PSD: variants seen among roughly 807,000 people sequenced by gnomAD.
PSD encodes the protein PH and SEC7 domain-containing protein 1.
In PSD, 32 loss-of-function variants were observed where a neutral mutation model predicts 91.6. The ratio of observed to expected loss-of-function variants is 0.35; its 90% CI spans 0.26 to 0.47. The LOEUF is 0.47. PSD is among the 20% of genes least tolerant of loss of function. The probability of loss-of-function intolerance (pLI) is 1.00; values close to 1 mark genes in which losing one functional copy is unlikely to be tolerated. For missense variants in PSD, 1,099 were observed against 1,373.9 expected (o/e 0.80, Z 3.16); for synonymous variants, 532 against 569.3 (o/e 0.93, Z 0.93).
chr10:102,417,663 C>T (rs1437276405), intron 1 of PSD, among the ~76,000 whole-genome samples: 1 of 151,430 alleles, frequency 6.6e-6, no homozygotes, highest in Non-Finnish European at 1.5e-5. Context: ...AGCAGAGGCT[C>T]CTACCCCCAA....
At chr10:102,419,128 C>G (rs886106713), upstream of PSD, 3 of 250,062 alleles carry the variant, frequency 1.2e-5, no homozygotes, top group African/African-American at 6.8e-5. This position sits in a 1 kb window ranked among gnomAD's most constrained non-coding sequence, Gnocchi z 4.8. Flanking sequence ...AGGAGGCTGC[C>G]ACATGACCTG....
rs2061371582 is a variant in PSD at position 102,407,164 on chromosome 10, C to A, written c.2135+59G>T. On this transcript the variant is annotated intron_variant, in intron 11 of 16. Coordinates refer to ENST00000020673, the MANE Select transcript of PSD (RefSeq NM_002779.5). ...GGCCTACCCCAGCTCTCTCAGCCTC[C>A]CCAGGCAGCCCCTTCCCCATGCCCC... 9 of 1,523,962 alleles carry A rather than the reference C, an allele frequency of 5.9e-6. No individual in the cohort carries two copies. In the South Asian group the frequency reaches 8.4e-5, roughly 14 times the overall value. 94.4% of individuals were successfully genotyped at this position (1,523,962 alleles called of 1,614,324 possible).
Position 102,404,637 on chromosome 10 carries a change from G to A in PSD, c.2646C>T (p.Ser882=). Reference sequence around the variant, plus strand: ...GGAGAGGGCGGCTGAACTTCTTTTGGGAGCTAACAGCAGCTGGGAAGGGGG... The same window carrying A: ...GGAGAGGGCGGCTGAACTTCTTTTGAGAGCTAACAGCAGCTGGGAAGGGGG... ...SAPPFPAAVS[S]QKKFSRPLLP... Residue 882 remains serine (S), a synonymous_variant, in exon 15 of 17, where the codon TCC becomes TCT. Coordinates refer to ENST00000020673, the MANE Select transcript of PSD (RefSeq NM_002779.5). The surrounding 1 kb of genome is among the most constrained non-coding windows in gnomAD (Gnocchi z 5.7). 6.2e-7 allele frequency: 1 copy of A among 1,612,308 alleles called. No individual in the cohort carries two copies. The highest frequency in any genetic ancestry group is 1.1e-5 in the South Asian group (1 of 90,830).
chr10:102,404,947 C>T lies in PSD; in HGVS notation c.2506G>A (p.Val836Ile), dbSNP rs1332413484. The T allele has an allele frequency of 2.5e-6, 4 of 1,614,070 alleles. No individual in the cohort carries two copies. Among genetic ancestry groups the T allele is most frequent in the East Asian group, 2.2e-5 (1 of 44,882 alleles). The change falls in exon 14 of 17, where the codon GTC (valine) becomes ATC (isoleucine). Residue 836 changes from valine (V) to isoleucine (I), a missense_variant. This residue lies in a region of PSD where 358 missense variants were observed against 426.5 expected (regional missense o/e 0.84). Coordinates refer to ENST00000020673, the MANE Select transcript of PSD (RefSeq NM_002779.5). This position sits in a 1 kb window ranked among gnomAD's most constrained non-coding sequence, Gnocchi z 5.7. Reference protein sequence around the residue: ...RASDYSKRPHVFYLRTADWRV... With the variant: ...RASDYSKRPHIFYLRTADWRV... ...CAGTCAGCTGTGCGCAGGTAGAAGA[C>T]GTGGGGCCTCTTGCTGTAGTCACTG...
At position 102,417,019 on chromosome 10, in the gene PSD, C is replaced by T. The variant is rs779454583; in HGVS notation, c.20G>A (p.Arg7His). The part of the protein sequence containing the change: MAQGAM[R>H]FCSEGDCAIS... Reference sequence around the variant, plus strand: ...GGCACAGTCGCCTTCCGAGCAGAAGCGCATGGCACCCTGGGCCATGCTGGG... The same window carrying T: ...GGCACAGTCGCCTTCCGAGCAGAAGTGCATGGCACCCTGGGCCATGCTGGG... The change falls in exon 2 of 17, where the codon CGC becomes CAC. Residue 7 changes from arginine (R) to histidine (H), a missense_variant. Physicochemically the swap from Arg to His is conservative, Grantham distance 29. Transcript: ENST00000020673. 1.1e-5 allele frequency: 17 copies of T among 1,574,884 alleles called. No individual in the cohort carries two copies. Among genetic ancestry groups the T allele is most frequent in the Middle Eastern group, 1.8e-4 (1 of 5,702 alleles).
Position 102,403,994 on chromosome 10 carries a change from C to G in PSD, c.2701-9G>C. ...GTCCGCACCTGCTCCTCCTAGCGGC[C>G]AGGGGGAGGCATGGTCATGGTCACT... On this transcript the variant is annotated splice_polypyrimidine_tract_variant and intron_variant, in intron 15 of 16. Transcript: ENST00000020673. This position sits in a 1 kb window ranked among gnomAD's most constrained non-coding sequence, Gnocchi z 6.7. 1 of 1,544,512 alleles carries G rather than the reference C, an allele frequency of 6.5e-7. No homozygotes were observed. The highest frequency in any genetic ancestry group is 8.7e-7 in the Non-Finnish European group (1 of 1,147,222).
chr10:102,412,245 A>G lies in PSD; in HGVS notation c.1749-18T>C. 6.2e-7 allele frequency: 1 copy of G among 1,613,998 alleles called. No individual in the cohort carries two copies. The highest frequency in any genetic ancestry group is 2.2e-5 in the East Asian group (1 of 44,878). ...AGTCATTGCTGTGGGCAGGGCAGAG[A>G]GACAGGTAGGGTCTCAAGGGGAAGT... On this transcript the variant is annotated intron_variant, in intron 6 of 16. Coordinates refer to ENST00000020673, the MANE Select transcript of PSD (RefSeq NM_002779.5).
rs934538022 is a variant in PSD at position 102,402,644 on chromosome 10, G to A, written c.*556C>T. The stretch of plus-strand genomic sequence containing the variant: ...GCAAGTCCAGAGCAGTTTTAATGGG[G>A]GTGGAGGCTGTACAAAGGGCAAGGC... On this transcript the variant is annotated 3_prime_UTR_variant, in exon 17 of 17. Coordinates refer to ENST00000020673, the MANE Select transcript of PSD (RefSeq NM_002779.5). The A allele has an allele frequency of 3.4e-5, 14 of 411,990 alleles. No homozygotes were observed. Among genetic ancestry groups the A allele is most frequent in the African/African-American group, 1.2e-4 (6 of 49,066 alleles). The allele number at this position is 411,990 out of a possible 1,614,324, so 25.5% of individuals were successfully genotyped here.
chr10:102,404,791 TG>T lies in PSD; in HGVS notation c.2556-65del. The T allele has an allele frequency of 6.4e-7, 1 of 1,559,486 alleles. No individual in the cohort carries two copies. Among genetic ancestry groups the T allele is most frequent in the Non-Finnish European group, 8.7e-7 (1 of 1,151,334 alleles). Reference sequence around the variant, plus strand: ...GGTTTCTGTCCCAGGATGCCAGTCCTGGCTCAAGTGTGGCCTGAGAAGGAAT... The same window carrying T: ...GGTTTCTGTCCCAGGATGCCAGTCCTGCTCAAGTGTGGCCTGAGAAGGAAT... On this transcript the variant is annotated intron_variant, in intron 14 of 16. Coordinates refer to ENST00000020673, the MANE Select transcript of PSD (RefSeq NM_002779.5). This position sits in a 1 kb window ranked among gnomAD's most constrained non-coding sequence, Gnocchi z 5.7.
At chr10:102,415,473 T>C (rs2061468859) in intron 3 of PSD, among the ~76,000 whole-genome samples, 2 of 152,180 alleles carry the variant, frequency 1.3e-5, no homozygotes, top group African/African-American at 4.8e-5. Context: ...CTTTTTTATT[T>C]ATTTATTTAT....
chr10:102,404,123 C>G lies in PSD; in HGVS notation c.2701-138G>C. 9.5e-7 allele frequency: 1 copy of G among 1,052,210 alleles called. No homozygotes were observed. Among genetic ancestry groups the G allele is most frequent in the African/African-American group, 1.6e-5 (1 of 62,232 alleles). 65.2% of individuals were successfully genotyped at this position (1,052,210 alleles called of 1,614,324 possible). A position where few individuals can be genotyped will look rare whatever the true frequency, so the allele number is the denominator to read the frequency against. ...CAGCACTTTGGGAGGCCAAGGCGGG[C>G]GGATCACGAGGTCAGGAGATCGAGA... On this transcript the variant is annotated intron_variant, in intron 15 of 16. Coordinates refer to ENST00000020673, the MANE Select transcript of PSD (RefSeq NM_002779.5). This position sits in a 1 kb window ranked among gnomAD's most constrained non-coding sequence, Gnocchi z 5.7.
chr10:102,415,380 TC>T (rs1449571383), intron 3 of PSD, 151 bp from the exon 4 acceptor site: 3 of 965,172 alleles, frequency 3.1e-6, no homozygotes, highest in African/African-American at 1.7e-5. Flanking sequence ...CTTAGCTTGT[TC>T]CTGGTGCCAG....
intron 5 of PSD, among the ~76,000 whole-genome samples, chr10:102,413,463 ACT>A (rs1372289432): frequency 1.3e-5 from 2 of 151,880 alleles, no homozygotes; most frequent in Non-Finnish European, 2.9e-5. Context: ...CAGGCTAAAG[ACT>A]CTGCCAAGGG....
At position 102,403,306 on chromosome 10, in the gene PSD, G is replaced by A. The variant is rs1302950559; in HGVS notation, c.2969C>T (p.Ser990Phe). 2.5e-6 allele frequency: 4 copies of A among 1,613,966 alleles called. No homozygotes were observed. The Admixed American group carries it at 5.0e-5, about 20-fold the overall frequency. Residue 990 changes from serine (S) to phenylalanine (F), a missense_variant, in exon 17 of 17, where the codon TCT becomes TTT. Around this residue, in one of 3 missense-constraint regions of PSD, gnomAD observed 358 missense variants for 426.5 expected, o/e 0.84. Transcript: ENST00000020673. This position sits in a 1 kb window ranked among gnomAD's most constrained non-coding sequence, Gnocchi z 6.7. ...AGSTEDGLPP[S>F]HSSPSLQPKP... is the part of the protein sequence containing the mutation. Reference sequence around the variant, plus strand: ...GGGCTGCAGGGAGGGACTGGAGTGAGAAGGAGGGAGTCCATCCTCTGTGCT... The same window carrying A: ...GGGCTGCAGGGAGGGACTGGAGTGAAAAGGAGGGAGTCCATCCTCTGTGCT...
Position 102,411,087 on chromosome 10 carries a change from T to C in PSD, c.1972A>G (p.Met658Val). The change falls in exon 9 of 17, where the codon ATG becomes GTG. Residue 658 changes from methionine to valine, a missense_variant. By Grantham distance (21) the Met-to-Val change is conservative. Coordinates refer to ENST00000020673, the MANE Select transcript of PSD (RefSeq NM_002779.5). Reference sequence around the variant, plus strand: ...CCGTGGAGATCCGTGTTGAGCAGCATGAGCGCACAGGTCAGCGTGTGGGCG... The same window carrying C: ...CCGTGGAGATCCGTGTTGAGCAGCACGAGCGCACAGGTCAGCGTGTGGGCG... ...DGAHTLTCAL[M>V]LLNTDLHGHN... 6.2e-7 allele frequency: 1 copy of C among 1,612,284 alleles called. No homozygotes were observed. The highest frequency in any genetic ancestry group is 2.2e-5 in the East Asian group (1 of 44,798).
chr10:102,412,102 G>A (rs745924576), intron 7 of PSD, 45 bp downstream of exon 7: 6 of 1,587,522 alleles, frequency 3.8e-6, no homozygotes, highest in South Asian at 2.2e-5. Context: ...GCCCTAACAC[G>A]AACCCCGGAG....
At position 102,405,745 on chromosome 10, in the gene PSD, C is replaced by G; in HGVS notation, c.2136-209G>C. The G allele has an allele frequency of 1.7e-6, 1 of 581,528 alleles. No homozygotes were observed. Among genetic ancestry groups the G allele is most frequent in the Non-Finnish European group, 3.1e-6 (1 of 326,630 alleles). 36.0% of individuals were successfully genotyped at this position (581,528 alleles called of 1,614,324 possible). A position where few individuals can be genotyped will look rare whatever the true frequency, so the allele number is the denominator to read the frequency against. On this transcript the variant is annotated intron_variant, in intron 11 of 16. Transcript: ENST00000020673. The surrounding 1 kb of genome is among the most constrained non-coding windows in gnomAD (Gnocchi z 5.4). ...AGCAGGGCACCTCCCTCAGAGCTCC[C>G]CAGCCTAGAGCCACCACTGTCCCTT...
Position 102,404,050 on chromosome 10 carries a change from A to T in PSD, c.2701-65T>A, listed in dbSNP as rs778982738. 1.6e-5 allele frequency: 24 copies of T among 1,465,482 alleles called. No homozygotes were observed. The highest frequency in any genetic ancestry group is 4.8e-5 in the Admixed American group (2 of 42,024). The allele number at this position is 1,465,482 out of a possible 1,614,324, so 90.8% of individuals were successfully genotyped here. On this transcript the variant is annotated intron_variant, in intron 15 of 16. Transcript: ENST00000020673. The surrounding 1 kb of genome is among the most constrained non-coding windows in gnomAD (Gnocchi z 5.7). ...CTATACAGTGCCTCTGCAGATTTTT[A>T]AAAAGATACCCCTTCCAGCCGGGCG...
Position 102,416,095 on chromosome 10 carries a change from C to G in PSD, c.679G>C (p.Glu227Gln). 6.2e-7 allele frequency: 1 copy of G among 1,613,792 alleles called. No homozygotes were observed. The highest frequency in any genetic ancestry group is 1.3e-5 in the African/African-American group (1 of 75,046). ...NQGDTWSSPR[E>Q]VSSHAQRIAR... ...ATTCTCTGGGCATGAGAGGAGACTT[C>G]CCGGGGGGAGGACCAGGTATCCCCC... The change falls in exon 3 of 17, where the codon GAA becomes CAA. Residue 227 changes from glutamate to glutamine, a missense_variant. Physicochemically the swap from Glu to Gln is conservative, Grantham distance 29 (BLOSUM62 2). This residue lies in a region of PSD where 631 missense variants were observed against 728.8 expected (regional missense o/e 0.87). Coordinates refer to ENST00000020673, the MANE Select transcript of PSD (RefSeq NM_002779.5). The surrounding 1 kb of genome is among the most constrained non-coding windows in gnomAD (Gnocchi z 6.0).
Sources: allele counts gnomAD v4.1 joint callset (sites outside exome capture counted in the v4.1 genomes callset), GRCh38; gene constraint gnomAD v4.1.1; regional missense constraint gnomAD v4.1.1; non-coding constraint Gnocchi (gnomAD v3.1); transcripts MANE v1.5; gene names NCBI Gene and HGNC (gene_info 2026-07-23, HGNC 2026-07-21).